The following FRS2 variants were observed in gnomAD, a reference collection of about 807,000 sequenced individuals.
FRS2 encodes FGFR signalling adaptor.
In FRS2, 8 loss-of-function variants were observed where a neutral mutation model predicts 43.9. That is an observed-to-expected ratio of 0.18 (90% confidence interval 0.11 to 0.33). The LOEUF (loss-of-function observed/expected upper bound fraction) is 0.33, where lower values mean the gene tolerates loss of function less well. Ranked by LOEUF, FRS2 falls within the 10% of genes least tolerant of loss-of-function variation. The pLI is 1.00. For synonymous variants in FRS2, 219 were observed against 220.3 expected, an observed-to-expected ratio of 0.99 and a Z score of 0.05; for missense variants, 534 against 627.6, an observed-to-expected ratio of 0.85 and a Z score of 1.59.
chr12:69,498,007 T>A (rs1203963423), intron 1 of FRS2, among the ~76,000 whole-genome samples: 1 of 103,938 alleles, frequency 9.6e-6, no homozygotes, highest in East Asian at 3.0e-4. Flanking sequence ...AGTCCTTGTT[T>A]GTTTTTTCAG....
intron 3 of FRS2, among the ~76,000 whole-genome samples, chr12:69,540,450 AAAAG>A (rs1877798339): frequency 6.6e-6 from 1 of 152,132 alleles, no homozygotes; most frequent in Non-Finnish European, 1.5e-5. Context: ...AATAATTTGA[AAAAG>A]AAAATAAGTA....
intron 1 of FRS2, among the ~76,000 whole-genome samples, chr12:69,518,080 G>A (rs937313844): frequency 1.3e-5 from 2 of 152,110 alleles, no homozygotes; most frequent in African/African-American, 4.8e-5. Flanking sequence ...ACTAAGTTTT[G>A]TGGATTTCAT....
rs11177726 is a variant in FRS2, at chr12:69,575,230, G to T, written c.*275G>T. On this transcript the variant is annotated 3_prime_UTR_variant, in exon 9 of 9. Coordinates refer to ENST00000549921, the MANE Select transcript of FRS2 (RefSeq NM_001278356.2). ...AGTTGAAGTAAATGACATGCTGGTTGATTTTTATCAATATTCTGGACTTAA... is the reference window on the plus strand; with the variant it reads ...AGTTGAAGTAAATGACATGCTGGTTTATTTTTATCAATATTCTGGACTTAA... The T allele has an allele frequency of 0.19, 74,830 of 385,098 alleles. 7,936 individuals are homozygous for T. Among genetic ancestry groups the T allele is most frequent in the Middle Eastern group, 0.27 (391 of 1,424 alleles). The allele number at this position is 385,098 out of a possible 1,614,324, so 23.9% of individuals were successfully genotyped here.
At position 69,576,593 on chromosome 12, in the gene FRS2, G is replaced by A. The variant is rs1318356424; in HGVS notation, c.*1638G>A. 1 of 152,150 alleles carries A rather than the reference G, an allele frequency of 6.6e-6. No homozygotes were observed. Among genetic ancestry groups the A allele is most frequent in the Non-Finnish European group, 1.5e-5 (1 of 68,024 alleles). 9.4% of individuals were successfully genotyped at this position (152,150 alleles called of 1,614,324 possible). On this transcript the variant is annotated 3_prime_UTR_variant, in exon 9 of 9. Transcript: ENST00000549921. ...ACTAAGGTTAATTTAGCATGAAAAA[G>A]TTTTAGTCATATTGGCATCCAACCT...
At chr12:69,535,541 G>A (rs1877190143) in intron 3 of FRS2, among the ~76,000 whole-genome samples, 1 of 152,022 alleles carries the variant, frequency 6.6e-6, no homozygotes, top group Non-Finnish European at 1.5e-5. Flanking sequence ...AATATGGAGG[G>A]AAATGAAAGG....
intron 3 of FRS2, among the ~76,000 whole-genome samples, chr12:69,539,986 G>T (rs1019247436): frequency 1.3e-5 from 2 of 148,910 alleles, no homozygotes; most frequent in African/African-American, 5.0e-5. Flanking sequence ...GGGTGTGGTG[G>T]CTCACGCCTG....
At position 69,578,755 on chromosome 12, in the gene FRS2, C is replaced by T. The variant is rs1295191399; in HGVS notation, c.*3800C>T. The T allele has an allele frequency of 6.6e-6, 1 of 152,364 alleles. No individual in the cohort carries two copies. The highest frequency in any genetic ancestry group is 2.4e-5 in the African/African-American group (1 of 41,368). 9.4% of individuals were successfully genotyped at this position (152,364 alleles called of 1,614,324 possible). A position where few individuals can be genotyped will look rare whatever the true frequency, so the allele number is the denominator to read the frequency against. ...TAATTTGCATTATAAATGTTTTTTTCCTACGTAAAGGCATAAATATAGCAA... is the reference window on the plus strand; with the variant it reads ...TAATTTGCATTATAAATGTTTTTTTTCTACGTAAAGGCATAAATATAGCAA... On this transcript the variant is annotated 3_prime_UTR_variant, in exon 9 of 9. Transcript: ENST00000549921.
At chr12:69,504,080 C>CA (rs1348835975) in intron 1 of FRS2, among the ~76,000 whole-genome samples, 41 of 152,134 alleles carry the variant, frequency 2.7e-4, no homozygotes, top group Non-Finnish European at 2.9e-5. Context: ...ATGTACCTGA[C>CA]AGTTTTTAAG....
At chr12:69,481,901 A>C (rs567567313) in intron 1 of FRS2, among the ~76,000 whole-genome samples, 2 of 151,968 alleles carry the variant, frequency 1.3e-5, no homozygotes, top group East Asian at 3.9e-4. Flanking sequence ...AGTGATTTTA[A>C]CTTCGGTCAA....
At chr12:69,471,295 A>T (rs779736514) in intron 1 of FRS2, among the ~76,000 whole-genome samples, 1 of 151,952 alleles carries the variant, frequency 6.6e-6, no homozygotes, top group Non-Finnish European at 1.5e-5. Flanking sequence ...TCTCTAATCT[A>T]CACTCTTAAT....
intron 3 of FRS2, among the ~76,000 whole-genome samples, chr12:69,541,923 T>C (rs1456329282): frequency 6.6e-6 from 1 of 151,830 alleles, no homozygotes; most frequent in East Asian, 1.9e-4. Flanking sequence ...AGTCTTCTTA[T>C]TCTTTGATGT....
intron 1 of FRS2, among the ~76,000 whole-genome samples, chr12:69,526,207 A>C (rs1313632433): frequency 2.0e-5 from 3 of 152,126 alleles, no homozygotes; most frequent in Non-Finnish European, 4.4e-5. Flanking sequence ...GTGTAAATCT[A>C]AGTTGTACTG....
At chr12:69,501,917 T>C (rs1873479560) in intron 1 of FRS2, among the ~76,000 whole-genome samples, 1 of 152,176 alleles carries the variant, frequency 6.6e-6, no homozygotes, top group African/African-American at 2.4e-5. Flanking sequence ...TGTGGAAGCA[T>C]GTGTGAAACA....
Position 69,577,004 on chromosome 12 carries a change from A to G in FRS2, c.*2049A>G, listed in dbSNP as rs1881236233. On this transcript the variant is annotated 3_prime_UTR_variant, in exon 9 of 9. Coordinates refer to ENST00000549921, the MANE Select transcript of FRS2 (RefSeq NM_001278356.2). ...GTGGAATAAGAATTATGATGGAACC[A>G]TTGCACATTTTTTTCTGAAACAGCC... The G allele has an allele frequency of 6.6e-6, 1 of 152,094 alleles. No individual in the cohort carries two copies. Among genetic ancestry groups the G allele is most frequent in the Non-Finnish European group, 1.5e-5 (1 of 68,022 alleles). The allele number at this position is 152,094 out of a possible 1,614,324, so 9.4% of individuals were successfully genotyped here.
intron 3 of FRS2, among the ~76,000 whole-genome samples, chr12:69,544,563 T>C (rs886498224): frequency 3.3e-5 from 5 of 151,872 alleles, no homozygotes; most frequent in Admixed American, 6.6e-5. Context: ...AAAAATTAGC[T>C]GGGCATAGTG....
chr12:69,556,346 T>TTTCC (rs1048712998), intron 3 of FRS2, among the ~76,000 whole-genome samples: 2 of 147,300 alleles, frequency 1.4e-5, no homozygotes. Context: ...TCTTTCTTTC[T>TTTCC]TTTTTTTTTT....
At chr12:69,527,637 T>G (rs916157697) in intron 1 of FRS2, among the ~76,000 whole-genome samples, 9 of 152,202 alleles carry the variant, frequency 5.9e-5, no homozygotes, top group Non-Finnish European at 1.0e-4. Context: ...TATCTCTGAT[T>G]TAGACAAGTT....
intron 1 of FRS2, among the ~76,000 whole-genome samples, chr12:69,471,047 C>T (rs924654542): frequency 5.3e-5 from 8 of 152,122 alleles, no homozygotes; most frequent in Non-Finnish European, 1.0e-4. Flanking sequence ...CAGGGCTTTT[C>T]ATCCAGATTT....
intron 2 of FRS2, among the ~76,000 whole-genome samples, chr12:69,531,254 C>T (rs943714920): frequency 6.6e-6 from 1 of 151,466 alleles, no homozygotes; most frequent in Admixed American, 6.6e-5. Context: ...CTCTTGAACC[C>T]AGGAGGTGGA....
Sources: gnomAD v4.1 joint callset for allele counts (sites outside exome capture counted in the v4.1 genomes callset) on GRCh38, gnomAD v4.1.1 for gene constraint, MANE v1.5 for transcripts, NCBI Gene and HGNC (gene_info 2026-07-23, HGNC 2026-07-21) for gene names.